The following TWF2 variants were observed in gnomAD, a reference collection of about 807,000 sequenced individuals.
The protein encoded by TWF2 is twinfilin actin binding protein 2.
Under a neutral mutation model 45.1 loss-of-function variants are expected in TWF2, and 15 were observed. That is an observed-to-expected ratio of 0.33 (90% CI 0.22 to 0.51). The LOEUF (loss-of-function observed/expected upper bound fraction) is 0.51. Ranked by LOEUF, TWF2 falls within the 20% of genes least tolerant of loss-of-function variation. TWF2 has a pLI of 0.97. For missense variants in TWF2, 423 were observed against 469.1 expected (o/e 0.90, Z 0.91); for synonymous variants, 177 against 195.8 (o/e 0.90, Z 0.80).
rs758479838 is a variant in TWF2, at chr3:52,238,985, C to A, written c.25+7G>T. 3.8e-6 allele frequency: 6 copies of A among 1,594,954 alleles called. No homozygotes were observed. In the African/African-American group the frequency reaches 8.0e-5, roughly 21 times the overall value. On this transcript the variant is annotated splice_region_variant and intron_variant, in intron 1 of 8. Coordinates refer to ENST00000305533, the MANE Select transcript of TWF2 (RefSeq NM_007284.4). ...AGGCCCCCTGCCCGCCCGCCATCCG[C>A]CCTCACCGTGGATGCCCGTTTGGTG... is the stretch of plus-strand genomic sequence containing the variant.
chr3:52,236,463 C>A lies in TWF2; in HGVS notation c.26-1357G>T, dbSNP rs556240060. Among the ~76,000 whole-genome samples the A allele has an allele frequency of 1.8e-4, 27 of 152,238 alleles. 1 individual carries two copies. In the South Asian group the frequency reaches 4.4e-3, roughly 25 times the overall value. On this transcript the variant is annotated intron_variant, in intron 1 of 8. Coordinates refer to ENST00000305533, the MANE Select transcript of TWF2 (RefSeq NM_007284.4). ...CTACTAGTGGACAGGGAAACCACCA[C>A]GGCCCATGTGGGGAAGGGCCCTGCT... is the stretch of plus-strand genomic sequence containing the variant.
In TWF2 at chr3:52,237,225, C is replaced by T. The variant is rs1172375187; in HGVS notation, c.25+1767G>A. Among the ~76,000 whole-genome samples the T allele has an allele frequency of 2.0e-5, 3 of 152,152 alleles. No homozygotes were observed. In the East Asian group the frequency reaches 5.8e-4, roughly 29 times the overall value. On this transcript the variant is annotated intron_variant, in intron 1 of 8. Coordinates refer to ENST00000305533, the MANE Select transcript of TWF2 (RefSeq NM_007284.4). ...GGCACATCCCTGCCCACCCCAGCCC[C>T]AATGCCTGCCCAGCCACCATCAATA...
At position 52,229,080 on chromosome 3, in the gene TWF2, T is replaced by C. The variant is rs375566784; in HGVS notation, c.1004A>G (p.His335Arg). Reference protein sequence around the residue: ...KPKGPGGKRGHKRLIRGPGEN... With the variant: ...KPKGPGGKRGRKRLIRGPGEN... The stretch of plus-strand genomic sequence containing the variant: ...ACCCGGGCCGCGGATGAGGCGCTTA[T>C]GGCCCCGCTTGCCCCCTGGGCCCTT... Residue 335 changes from histidine to arginine, a missense_variant, in exon 9 of 9, where the codon CAT (histidine) becomes CGT (arginine). Physicochemically the swap from His to Arg is conservative, Grantham distance 29 (BLOSUM62 0). Coordinates refer to ENST00000305533, the MANE Select transcript of TWF2 (RefSeq NM_007284.4). The C allele has an allele frequency of 4.3e-6, 7 of 1,612,942 alleles. No individual in the cohort carries two copies. In the Admixed American group the frequency reaches 5.0e-5, roughly 12 times the overall value.
In TWF2 at chr3:52,229,063, C is replaced by A. The variant is rs753481915; in HGVS notation, c.1021G>T (p.Gly341Cys). 1 of 1,612,450 alleles carries A rather than the reference C, an allele frequency of 6.2e-7. No homozygotes were observed. Among genetic ancestry groups the A allele is most frequent in the South Asian group, 1.1e-5 (1 of 91,018 alleles). Reference sequence around the variant, plus strand: ...CTGTCATCCCCATTTTCACCCGGGCCGCGGATGAGGCGCTTATGGCCCCGC... The same window carrying A: ...CTGTCATCCCCATTTTCACCCGGGCAGCGGATGAGGCGCTTATGGCCCCGC... ...GKRGHKRLIRGPGENGDDS is the reference protein window; with the variant it reads ...GKRGHKRLIRCPGENGDDS The change falls in exon 9 of 9, where the codon GGC (glycine) becomes TGC (cysteine). Residue 341 changes from glycine to cysteine, a missense_variant. Physicochemically the swap from Gly to Cys is radical, Grantham distance 159. Transcript: ENST00000305533.
intron 2 of TWF2, among the ~76,000 whole-genome samples, chr3:52,232,690 C>A (rs1052028543): frequency 3.9e-5 from 6 of 152,182 alleles, no homozygotes; most frequent in South Asian, 2.1e-4. Context: ...AGACATCCTG[C>A]GGCTACCTGC....
At chr3:52,232,979 C>G (rs1359986170) in intron 2 of TWF2, among the ~76,000 whole-genome samples, 1 of 152,188 alleles carries the variant, frequency 6.6e-6, no homozygotes, top group Non-Finnish European at 1.5e-5. Context: ...CCATTGCACT[C>G]CAGCCTGGGC....
At chr3:52,238,432 G>C (rs370409484) in intron 1 of TWF2, among the ~76,000 whole-genome samples, 1 of 152,198 alleles carries the variant, frequency 6.6e-6, no homozygotes. Flanking sequence ...GCCCATTCAA[G>C]TCAGACACAT....
Position 52,235,048 on chromosome 3 carries a change from G to C in TWF2, c.84C>G (p.Ile28Met), listed in dbSNP as rs747245899. ...ACTCACCGTCCTCAATCACAACCTT[G>C]ATGAGCCGCACAGAGCCAGCCCGTG... ...AKARAGSVRL[I>M]KVVIEDEQLV... Residue 28 changes from isoleucine to methionine, a missense_variant, in exon 2 of 9, where the codon ATC becomes ATG. Physicochemically the swap from Ile to Met is conservative, Grantham distance 10. Transcript: ENST00000305533. The C allele has an allele frequency of 6.2e-7, 1 of 1,613,876 alleles. No individual in the cohort carries two copies. The highest frequency in any genetic ancestry group is 8.5e-7 in the Non-Finnish European group (1 of 1,180,028).
chr3:52,238,458 T>G (rs1427114872), intron 1 of TWF2, among the ~76,000 whole-genome samples: 1 of 152,202 alleles, frequency 6.6e-6, no homozygotes, highest in Non-Finnish European at 1.5e-5. Flanking sequence ...ATATGCATCC[T>G]TGGCAAAAAT....
chr3:52,234,048 C>T (rs777063946), intron 2 of TWF2, among the ~76,000 whole-genome samples: 5 of 152,010 alleles, frequency 3.3e-5, no homozygotes, highest in Non-Finnish European at 7.4e-5. Flanking sequence ...TCCAGGAAGC[C>T]ATCACTAATA....
At chr3:52,229,807 T>A (rs973481835) in intron 7 of TWF2, 25 bp from the exon 8 acceptor site, 1 of 1,604,492 alleles carries the variant, frequency 6.2e-7, no homozygotes, top group Admixed American at 1.7e-5. Flanking sequence ...GAGGTGAGCC[T>A]GGGAGGCCTG....
At position 52,229,738 on chromosome 3, in the gene TWF2, G is replaced by C. The variant is rs761464663; in HGVS notation, c.805C>G (p.Arg269Gly). The part of the protein sequence containing the change: ...MPGYKCSIKE[R>G]MLYSSCKSRL... The stretch of plus-strand genomic sequence containing the variant: ...CTCTTGCAGCTGGAGTAGAGCATTC[G>C]CTCCTTGATGCTGCACTTGTACCCC... The change falls in exon 8 of 9, where the codon CGA becomes GGA. Residue 269 changes from arginine (R) to glycine (G), a missense_variant. Coordinates refer to ENST00000305533, the MANE Select transcript of TWF2 (RefSeq NM_007284.4). 1 of 1,613,132 alleles carries C rather than the reference G, an allele frequency of 6.2e-7. No homozygotes were observed. Among genetic ancestry groups the C allele is most frequent in the Non-Finnish European group, 8.5e-7 (1 of 1,179,988 alleles).
intron 1 of TWF2, among the ~76,000 whole-genome samples, chr3:52,238,570 A>G (rs1040897019): frequency 1.3e-5 from 2 of 152,234 alleles, no homozygotes; most frequent in African/African-American, 4.8e-5. Flanking sequence ...TATGCGACCT[A>G]CAGTGTCCAT....
At chr3:52,229,299 C>A in intron 8 of TWF2, 98 bp from the exon 9 acceptor site, 1 of 1,494,468 alleles carries the variant, frequency 6.7e-7, no homozygotes, top group Non-Finnish European at 8.9e-7. Flanking sequence ...ACTCTCACAT[C>A]CTAGCCCTGG....
intron 2 of TWF2, 127 bp from the exon 3 acceptor site, chr3:52,232,249 C>T: frequency 8.5e-7 from 1 of 1,176,024 alleles, no homozygotes; most frequent in Non-Finnish European, 1.2e-6. Flanking sequence ...TTCCCTGGAG[C>T]CCCCAGGTCC....
chr3:52,233,452 AAGT>A (rs1481815005), intron 2 of TWF2, among the ~76,000 whole-genome samples: 1 of 152,202 alleles, frequency 6.6e-6, no homozygotes, highest in Non-Finnish European at 1.5e-5. Context: ...TTTACATAAG[AAGT>A]AGAATTCTCA....
intron 2 of TWF2, among the ~76,000 whole-genome samples, chr3:52,233,325 C>T (rs1347579910): frequency 2.6e-5 from 4 of 152,264 alleles, no homozygotes; most frequent in Non-Finnish European, 5.9e-5. Flanking sequence ...CACCTGCCCA[C>T]CCAGAACTCA....
intron 6 of TWF2, among the ~76,000 whole-genome samples, chr3:52,230,627 G>A (rs530159586): frequency 1.3e-5 from 2 of 152,214 alleles, no homozygotes; most frequent in East Asian, 1.9e-4. Flanking sequence ...ACCTGTGTAT[G>A]AGCAGGGCCT....
At chr3:52,231,885 C>T in intron 3 of TWF2, 59 bp downstream of exon 3, 3 of 1,576,546 alleles carry the variant, frequency 1.9e-6, no homozygotes, top group East Asian at 4.5e-5. Context: ...CAGGGCAAGG[C>T]CTTGTTGCCT....
Sources: allele counts gnomAD v4.1 joint callset (sites outside exome capture counted in the v4.1 genomes callset), GRCh38; gene constraint gnomAD v4.1.1; transcripts MANE v1.5; gene names NCBI Gene and HGNC (gene_info 2026-07-23, HGNC 2026-07-21).